Variants in ADAMTS18 observed in about 807,000 individuals in gnomAD.
The protein encoded by ADAMTS18 is A disintegrin and metalloproteinase with thrombospondin motifs 18.
In ADAMTS18, 157 loss-of-function variants were observed where a neutral mutation model predicts 165.9. That is an observed-to-expected ratio of 0.95 (90% confidence interval 0.83 to 1.08). The LOEUF is 1.08. Among genes scored for constraint, ADAMTS18 ranks in the 50% least tolerant of loss-of-function variants. The pLI is 0.00. For synonymous variants in ADAMTS18, 782 were observed against 578.2 expected (o/e 1.35, Z -5.06); for missense variants, 2,040 against 1,534.0 (o/e 1.33, Z -5.51).
intron 12 of ADAMTS18, among the ~76,000 whole-genome samples, chr16:77,331,253 T>C (rs7202462): frequency 0.011 from 1,641 of 152,288 alleles, 29 homozygotes; most frequent in African/African-American, 0.037. Flanking sequence ...GCATCATTCA[T>C]GCACTTTACC....
At chr16:77,303,635 A>C (rs1025363278) in intron 16 of ADAMTS18, among the ~76,000 whole-genome samples, 1 of 151,108 alleles carries the variant, frequency 6.6e-6, no homozygotes, top group African/African-American at 2.4e-5. Flanking sequence ...AAGACAATAA[A>C]AAAAAAAATG....
chr16:77,418,210 G>C (rs1279777807), intron 3 of ADAMTS18, among the ~76,000 whole-genome samples: 1 of 152,106 alleles, frequency 6.6e-6, no homozygotes, highest in Non-Finnish European at 1.5e-5. Flanking sequence ...TTCATACATA[G>C]TCTCAGCAGC....
chr16:77,288,930 C>A (rs1027276416), intron 22 of ADAMTS18, among the ~76,000 whole-genome samples: 10 of 152,054 alleles, frequency 6.6e-5, no homozygotes, highest in African/African-American at 1.9e-4. Flanking sequence ...ACTAAAAATT[C>A]AAAAATTAGC....
chr16:77,373,397 T>C (rs2056904119), intron 3 of ADAMTS18, among the ~76,000 whole-genome samples: 1 of 149,778 alleles, frequency 6.7e-6, no homozygotes, highest in Non-Finnish European at 1.5e-5. Context: ...AGGCGGAGGT[T>C]GCAGTGAGCT....
At chr16:77,317,406 T>C (rs2055906886) in intron 16 of ADAMTS18, among the ~76,000 whole-genome samples, 1 of 152,152 alleles carries the variant, frequency 6.6e-6, no homozygotes, top group Non-Finnish European at 1.5e-5. Context: ...CAATCTCGGC[T>C]CACTGCAACC....
rs748168247 is a variant in ADAMTS18, at chr16:77,284,056, A to C, written c.3566T>G (p.Val1189Gly). Residue 1189 changes from valine to glycine, a missense_variant, in exon 23 of 23, where the codon GTA becomes GGA. Val to Gly is a moderately radical substitution (Grantham distance 109). Transcript: ENST00000282849. The part of the protein sequence containing the change: ...APEKREDPSC[V>G]DFFNWCHLVP... Reference sequence around the variant, plus strand: ...TAGGTGACACCAGTTGAAGAAATCTACGCAGGATGGATCCTCTAAAATAAG... The same window carrying C: ...TAGGTGACACCAGTTGAAGAAATCTCCGCAGGATGGATCCTCTAAAATAAG... The C allele has an allele frequency of 6.0e-5, 96 of 1,612,024 alleles. No homozygotes were observed. Among genetic ancestry groups the C allele is most frequent in the Non-Finnish European group, 7.6e-5 (90 of 1,178,326 alleles).
intron 22 of ADAMTS18, among the ~76,000 whole-genome samples, chr16:77,286,623 C>T (rs1282942030): frequency 1.3e-5 from 2 of 152,150 alleles, no homozygotes; most frequent in Non-Finnish European, 2.9e-5. Context: ...GTGGATTCAA[C>T]TCTATTTTTA....
At chr16:77,434,536 G>T in intron 1 of ADAMTS18, 31 bp from the exon 2 acceptor site, 4 of 1,537,208 alleles carry the variant, frequency 2.6e-6, no homozygotes, top group Non-Finnish European at 3.5e-6. Flanking sequence ...TCGCGCGTGA[G>T]GGGCGCGGCG....
At chr16:77,336,510 T>C (rs576503616) in intron 11 of ADAMTS18, among the ~76,000 whole-genome samples, 3 of 152,322 alleles carry the variant, frequency 2.0e-5, no homozygotes, top group South Asian at 4.1e-4. Context: ...TCTGTACAAA[T>C]TGTTCTCTTC....
Position 77,364,254 on chromosome 16 carries a change from G to T in ADAMTS18, c.906C>A (p.Asp302Glu). The T allele has an allele frequency of 8.1e-6, 13 of 1,613,864 alleles. No individual in the cohort carries two copies. Among genetic ancestry groups the T allele is most frequent in the Non-Finnish European group, 1.1e-5 (13 of 1,179,986 alleles). Reference sequence around the variant, plus strand: ...TGCCATGCTTTTCCACCATTTTCTTGTCTGCCACCACGAGGGTTTCCACAT... The same window carrying T: ...TGCCATGCTTTTCCACCATTTTCTTTTCTGCCACCACGAGGGTTTCCACAT... ...GLNVETLVVA[D>E]KKMVEKHGKG... is the part of the protein sequence containing the mutation. The change falls in exon 5 of 23, where the codon GAC (aspartate) becomes GAA (glutamate). Residue 302 changes from aspartate to glutamate, a missense_variant. By Grantham distance (45) the Asp-to-Glu change is conservative. Transcript: ENST00000282849.
At chr16:77,373,862 C>T (rs968852002) in intron 3 of ADAMTS18, among the ~76,000 whole-genome samples, 9 of 152,184 alleles carry the variant, frequency 5.9e-5, no homozygotes, top group Non-Finnish European at 1.5e-5. Context: ...ATTGCACACT[C>T]TGTGACAGCA....
At chr16:77,308,625 G>A (rs10514412) in intron 16 of ADAMTS18, among the ~76,000 whole-genome samples, 14,953 of 150,178 alleles carry the variant, frequency 0.1, 999 homozygotes, top group East Asian at 0.27. Flanking sequence ...TTATTGCCAA[G>A]GTCTCCTAAA....
chr16:77,306,072 G>A lies in ADAMTS18; in HGVS notation c.2533-5668C>T, dbSNP rs530060066. On this transcript the variant is annotated intron_variant, in intron 16 of 22. Transcript: ENST00000282849. ...TGCTTACAACCCCGTGCCGCATGTC[G>A]GAGTGTATAGCCAAGCTGTTAAATG... Among the ~76,000 whole-genome samples the A allele has an allele frequency of 4.5e-4, 68 of 152,196 alleles. 1 individual carries two copies. The highest frequency in any genetic ancestry group is 1.4e-3 in the African/African-American group (60 of 41,524).
intron 3 of ADAMTS18, among the ~76,000 whole-genome samples, chr16:77,410,014 G>A: frequency 6.6e-6 from 1 of 152,032 alleles, no homozygotes; most frequent in East Asian, 1.9e-4. Context: ...GGACTGTATA[G>A]ATCTATTAAA....
intron 22 of ADAMTS18, among the ~76,000 whole-genome samples, chr16:77,284,495 C>T (rs1339827458): frequency 6.6e-6 from 1 of 152,114 alleles, no homozygotes; most frequent in Non-Finnish European, 1.5e-5. Flanking sequence ...TGAGGGCCTA[C>T]AGAACAAAGG....
chr16:77,303,239 A>G (rs2055619235), intron 16 of ADAMTS18, among the ~76,000 whole-genome samples: 1 of 152,144 alleles, frequency 6.6e-6, no homozygotes, highest in Non-Finnish European at 1.5e-5. Flanking sequence ...TTGAAGTCAA[A>G]AGCCTTTTAA....
At chr16:77,385,361 T>C (rs1009052918) in intron 3 of ADAMTS18, among the ~76,000 whole-genome samples, 4 of 152,224 alleles carry the variant, frequency 2.6e-5, no homozygotes, top group African/African-American at 9.6e-5. Flanking sequence ...TTGCTGAAAA[T>C]AGTGACTTTC....
At chr16:77,377,484 T>C (rs1597195727) in intron 3 of ADAMTS18, among the ~76,000 whole-genome samples, 1 of 152,188 alleles carries the variant, frequency 6.6e-6, no homozygotes, top group Admixed American at 6.5e-5. Flanking sequence ...TTTGTAACAA[T>C]AGAGCCAGAA....
rs1444092938 is a variant in ADAMTS18, at chr16:77,364,256, C to T, written c.904G>A (p.Asp302Asn). 1 of 1,613,888 alleles carries T rather than the reference C, an allele frequency of 6.2e-7. No individual in the cohort carries two copies. Among genetic ancestry groups the T allele is most frequent in the Non-Finnish European group, 8.5e-7 (1 of 1,180,020 alleles). The change falls in exon 5 of 23, where the codon GAC becomes AAC. Residue 302 changes from aspartate to asparagine, a missense_variant. Coordinates refer to ENST00000282849, the MANE Select transcript of ADAMTS18 (RefSeq NM_199355.4). ...CCATGCTTTTCCACCATTTTCTTGT[C>T]TGCCACCACGAGGGTTTCCACATTG... is the stretch of plus-strand genomic sequence containing the variant. ...GLNVETLVVA[D>N]KKMVEKHGKG...
Sources: gnomAD v4.1 joint callset for allele counts (sites outside exome capture counted in the v4.1 genomes callset) on GRCh38, gnomAD v4.1.1 for gene constraint, MANE v1.5 for transcripts, NCBI Gene and HGNC (gene_info 2026-07-23, HGNC 2026-07-21) for gene names.